Variants in SYN3 observed in about 807,000 individuals in gnomAD.
SYN3 encodes the protein synapsin-3.
A neutral mutation model predicts 65.8 loss-of-function variants in SYN3; 35 were observed. The ratio of observed to expected loss-of-function variants is 0.53; its 90% CI spans 0.41 to 0.70. SYN3 has a LOEUF of 0.70. SYN3 is among the 30% of genes least tolerant of loss of function. The probability of loss-of-function intolerance (pLI) is 0.00; values close to 1 mark genes in which losing one functional copy is unlikely to be tolerated. For synonymous variants in SYN3, 270 were observed against 292.9 expected, an observed-to-expected ratio of 0.92 and a Z score of 0.80; for missense variants, 680 against 749.0, an observed-to-expected ratio of 0.91 and a Z score of 1.08.
rs2057714629 is a variant in SYN3 at position 32,513,271 on chromosome 22, T to A, written c.*421A>T. On this transcript the variant is annotated 3_prime_UTR_variant, in exon 14 of 14. Transcript: ENST00000358763. ...ATTATTGCCTCCTATATTGCTGAGGTCTGACTACAGTGTCTGCGTTTGATG... is the reference window on the plus strand; with the variant it reads ...ATTATTGCCTCCTATATTGCTGAGGACTGACTACAGTGTCTGCGTTTGATG... The A allele has an allele frequency of 6.1e-6, 1 of 163,166 alleles. No homozygotes were observed. Among genetic ancestry groups the A allele is most frequent in the African/African-American group, 2.4e-5 (1 of 41,888 alleles). The allele number at this position is 163,166 out of a possible 1,614,324, so 10.1% of individuals were successfully genotyped here.
Position 32,532,798 on chromosome 22 carries a change from G to A in SYN3, c.1095+995C>T, listed in dbSNP as rs544554989. 3.9e-5 allele frequency among the ~76,000 whole-genome samples: 6 copies of A among 152,342 alleles called. No homozygotes were observed. The South Asian group carries it at 1.2e-3, about 32-fold the overall frequency. On this transcript the variant is annotated intron_variant, in intron 10 of 13. Coordinates refer to ENST00000358763, the MANE Select transcript of SYN3 (RefSeq NM_003490.4). ...TCCCATTAGCCGCCCACACCCCGGG[G>A]AGGGGACGGCCGCAGGGCTCTCCCT...
intron 3 of SYN3, among the ~76,000 whole-genome samples, chr22:32,944,954 G>T (rs867349632): frequency 1.3e-5 from 2 of 152,128 alleles, no homozygotes. Flanking sequence ...GCTTCAAAGA[G>T]AATAAAATAC....
At chr22:32,855,859 G>C (rs562372385) in intron 6 of SYN3, among the ~76,000 whole-genome samples, 7 of 152,150 alleles carry the variant, frequency 4.6e-5, no homozygotes, top group Non-Finnish European at 8.8e-5. Flanking sequence ...GATACAAATA[G>C]CCAAATATCA....
chr22:32,986,274 C>G (rs1312444550), intron 2 of SYN3, among the ~76,000 whole-genome samples: 1 of 152,126 alleles, frequency 6.6e-6, no homozygotes, highest in Non-Finnish European at 1.5e-5. Flanking sequence ...GGGGTGTGTA[C>G]GAGGCCAACC....
At chr22:32,980,619 G>A (rs2145650195) in intron 3 of SYN3, 26 bp downstream of exon 3, 1 of 1,611,896 alleles carries the variant, frequency 6.2e-7, no homozygotes, top group Non-Finnish European at 8.5e-7. Flanking sequence ...TCAGTTGACA[G>A]TGCTAAAGAC....
intron 6 of SYN3, among the ~76,000 whole-genome samples, chr22:32,766,940 C>T (rs1272634365): frequency 6.6e-6 from 1 of 152,190 alleles, no homozygotes; most frequent in Non-Finnish European, 1.5e-5. Context: ...TTCTGATAGA[C>T]AGTTGGGTAT....
rs1213710010 is a variant in SYN3 at position 33,004,027 on chromosome 22, G to T, written c.311+2325C>A. 4.6e-5 allele frequency among the ~76,000 whole-genome samples: 7 copies of T among 152,368 alleles called. No individual in the cohort carries two copies. In the East Asian group the frequency reaches 1.4e-3, roughly 29 times the overall value. ...CCCAAGCCTTGGCACCTTCCACATG[G>T]TGCTGGCCCTGCGGATGCACAGAAG... On this transcript the variant is annotated intron_variant, in intron 2 of 13. Transcript: ENST00000358763.
chr22:32,639,005 G>A (rs531194788), intron 6 of SYN3, among the ~76,000 whole-genome samples: 2 of 152,232 alleles, frequency 1.3e-5, no homozygotes, highest in South Asian at 4.2e-4. Context: ...CCAGGCTGGA[G>A]TGCAGTGGCG....
chr22:32,675,901 C>T (rs2060433792), intron 6 of SYN3, among the ~76,000 whole-genome samples: 1 of 152,138 alleles, frequency 6.6e-6, no homozygotes, highest in African/African-American at 2.4e-5. Context: ...CTAATCAGAG[C>T]CCAGGTGTCC....
intron 2 of SYN3, among the ~76,000 whole-genome samples, chr22:32,981,517 A>G (rs9609676): frequency 0.61 from 93,115 of 151,546 alleles, 28,838 homozygotes; most frequent in East Asian, 0.78. Flanking sequence ...CCCGGAAGGC[A>G]GAAGTTGCGG....
At chr22:32,548,192 C>G (rs946960776) in intron 7 of SYN3, among the ~76,000 whole-genome samples, 10 of 152,178 alleles carry the variant, frequency 6.6e-5, no homozygotes, top group African/African-American at 2.4e-4. Flanking sequence ...CCAGAATCCA[C>G]CTGGCATATT....
chr22:32,832,979 T>C (rs1330666487), intron 6 of SYN3, among the ~76,000 whole-genome samples: 3 of 152,194 alleles, frequency 2.0e-5, no homozygotes, highest in Non-Finnish European at 4.4e-5. Flanking sequence ...GGAATTCACC[T>C]GCCTCGACCT....
chr22:32,767,783 T>C (rs2045667041), intron 6 of SYN3, among the ~76,000 whole-genome samples: 1 of 152,234 alleles, frequency 6.6e-6, no homozygotes. Context: ...TTTGTCTTTG[T>C]ATTGATTTTA....
At chr22:33,036,157 T>C (rs2053856506) in intron 1 of SYN3, among the ~76,000 whole-genome samples, 1 of 152,074 alleles carries the variant, frequency 6.6e-6, no homozygotes, top group Non-Finnish European at 1.5e-5. Context: ...TTTAAGAAAA[T>C]GTATAAAGAC....
chr22:32,859,421 G>T, intron 6 of SYN3: 4 of 1,580,996 alleles, frequency 2.5e-6, no homozygotes, highest in Non-Finnish European at 3.4e-6. Context: ...TTCCCGCTGA[G>T]CTTCCCTTGG....
chr22:32,517,284 T>C (rs1346598244), intron 13 of SYN3, among the ~76,000 whole-genome samples: 2 of 152,180 alleles, frequency 1.3e-5, no homozygotes, highest in Non-Finnish European at 2.9e-5. Flanking sequence ...GCTTGTACTT[T>C]CTCCCTTTTT....
intron 6 of SYN3, among the ~76,000 whole-genome samples, chr22:32,611,752 T>C (rs2059448927): frequency 6.6e-6 from 1 of 152,162 alleles, no homozygotes; most frequent in African/African-American, 2.4e-5. Flanking sequence ...AGTCTGTGCT[T>C]CCAGTTCCTG....
rs1483812840 is a variant in SYN3 at position 32,824,230 on chromosome 22, A to T, written c.711+40685T>A. Among the ~76,000 whole-genome samples, 12 of 142,360 alleles carry T rather than the reference A, an allele frequency of 8.4e-5. No homozygotes were observed. In the East Asian group the frequency reaches 2.5e-3, roughly 29 times the overall value. 93.4% of individuals were successfully genotyped at this position (142,360 alleles called of 152,430 possible). A position where few individuals can be genotyped will look rare whatever the true frequency, so the allele number is the denominator to read the frequency against. On this transcript the variant is annotated intron_variant, in intron 6 of 13. Transcript: ENST00000358763. Reference sequence around the variant, plus strand: ...GAGGTGGAGGTTGCAGTGAGACGACACCTCGCCACTGCACTCCAGCCTGGG... The same window carrying T: ...GAGGTGGAGGTTGCAGTGAGACGACTCCTCGCCACTGCACTCCAGCCTGGG...
intron 4 of SYN3, among the ~76,000 whole-genome samples, chr22:32,914,581 G>A (rs2050140475): frequency 6.6e-6 from 1 of 151,876 alleles, no homozygotes. Context: ...GGGACTACAG[G>A]CGCCCGCCAC....
Sources: allele counts gnomAD v4.1 joint callset (sites outside exome capture counted in the v4.1 genomes callset), GRCh38; gene constraint gnomAD v4.1.1; transcripts MANE v1.5; gene names NCBI Gene and HGNC (gene_info 2026-07-23, HGNC 2026-07-21).